Variants in GPHN observed in about 807,000 individuals in gnomAD.
GPHN encodes the protein gephyrin.
A neutral mutation model predicts 95.5 loss-of-function variants in GPHN; 17 were observed. The ratio of observed to expected loss-of-function variants is 0.18; its 90% CI spans 0.12 to 0.27. GPHN has a LOEUF of 0.27. Ranked by LOEUF, GPHN falls within the 10% of genes least tolerant of loss-of-function variation. The pLI is 1.00. For synonymous variants in GPHN, 320 were observed against 322.5 expected, an observed-to-expected ratio of 0.99 and a Z score of 0.08; for missense variants, 660 against 978.1, an observed-to-expected ratio of 0.67 and a Z score of 4.34.
At chr14:67,730,892 C>T in the GPHN span, among the ~76,000 whole-genome samples, 163 of 152,260 alleles carry the variant, frequency 1.1e-3, 2 homozygotes, top group African/African-American at 3.5e-3. Flanking sequence ...GCGTGAGCCA[C>T]CGCGCCCAGC....
At chr14:67,421,264 A>G in the GPHN span, among the ~76,000 whole-genome samples, 3 of 152,164 alleles carry the variant, frequency 2.0e-5, no homozygotes, top group Non-Finnish European at 4.4e-5. Context: ...AAAGTTAACC[A>G]TGTAAAGCAC....
chr14:67,132,890 A>G (rs901470672), intron 17 of GPHN, among the ~76,000 whole-genome samples: 16 of 151,038 alleles, frequency 1.1e-4, no homozygotes, highest in Non-Finnish European at 2.4e-4. Flanking sequence ...TTTCATTTTA[A>G]TTAATGTATT....
At chr14:67,282,826 G>A in the GPHN span, among the ~76,000 whole-genome samples, 2 of 152,086 alleles carry the variant, frequency 1.3e-5, no homozygotes. Context: ...CCTCGGAAAA[G>A]AAAATAATGC....
chr14:67,161,030 C>A (rs943782906), intron 19 of GPHN, among the ~76,000 whole-genome samples: 9 of 152,196 alleles, frequency 5.9e-5, no homozygotes, highest in African/African-American at 2.2e-4. Context: ...GTGGCTCACG[C>A]CTATAATCCC....
chr14:67,603,316 G>A, the GPHN span, among the ~76,000 whole-genome samples: 3 of 152,022 alleles, frequency 2.0e-5, no homozygotes, highest in African/African-American at 4.8e-5. Context: ...GTGATCCTTC[G>A]GCCTCAGCCT....
chr14:67,432,916 C>T, the GPHN span, among the ~76,000 whole-genome samples: 4 of 152,136 alleles, frequency 2.6e-5, no homozygotes, highest in Admixed American at 6.6e-5. Flanking sequence ...GATTTAGGGC[C>T]CACCCTCATC....
chr14:67,229,687 A>G, the GPHN span, among the ~76,000 whole-genome samples: 2 of 152,340 alleles, frequency 1.3e-5, no homozygotes, highest in Admixed American at 6.5e-5. Context: ...AATGTGTATT[A>G]TATTGATTAT....
At chr14:67,456,647 G>T in the GPHN span, among the ~76,000 whole-genome samples, 482 of 152,018 alleles carry the variant, frequency 3.2e-3, 1 homozygote, top group African/African-American at 0.011. Context: ...CTGCAAGGCT[G>T]CGGGAAGAGG....
At chr14:67,415,843 T>C in the GPHN span, among the ~76,000 whole-genome samples, 1 of 152,212 alleles carries the variant, frequency 6.6e-6, no homozygotes. Flanking sequence ...TGGATGAAGC[T>C]GGAAGCCATT....
the GPHN span, among the ~76,000 whole-genome samples, chr14:67,621,461 T>G: frequency 6.6e-6 from 1 of 152,062 alleles, no homozygotes; most frequent in Non-Finnish European, 1.5e-5. Flanking sequence ...GTTCTTTTTT[T>G]TTTTCTTTTT....
intron 3 of GPHN, among the ~76,000 whole-genome samples, chr14:66,799,967 GT>G (rs2060286440): frequency 6.6e-6 from 1 of 151,596 alleles, no homozygotes; most frequent in South Asian, 2.1e-4. Flanking sequence ...TCCATTGTAT[GT>G]TTTTTGGTTT....
intron 13 of GPHN, among the ~76,000 whole-genome samples, chr14:67,103,440 T>C (rs1182406078): frequency 6.6e-6 from 1 of 151,830 alleles, no homozygotes; most frequent in African/African-American, 2.4e-5. Context: ...GTAGATCGCT[T>C]TTTTCGTAGT....
chr14:67,690,868 A>G, the GPHN span: 1 of 451,324 alleles, frequency 2.2e-6, no homozygotes, highest in Non-Finnish European at 4.0e-6. Context: ...AAGGATCACT[A>G]CTAAGAAAGC....
intron 2 of GPHN, among the ~76,000 whole-genome samples, chr14:66,708,249 G>C (rs1424092950): frequency 1.3e-5 from 2 of 151,906 alleles, no homozygotes; most frequent in African/African-American, 4.8e-5. Flanking sequence ...AAACTGTTAA[G>C]TCCCTTTCGG....
chr14:67,421,166 A>G, the GPHN span, among the ~76,000 whole-genome samples: 3 of 152,208 alleles, frequency 2.0e-5, no homozygotes, highest in African/African-American at 4.8e-5. Context: ...AGACCTTGAC[A>G]GTAGAGAATG....
At chr14:67,672,396 G>C in the GPHN span, among the ~76,000 whole-genome samples, 25 of 151,664 alleles carry the variant, frequency 1.6e-4, no homozygotes, top group African/African-American at 6.0e-4. Flanking sequence ...TGGGATTACA[G>C]GTGTGAGCCA....
intron 1 of GPHN, among the ~76,000 whole-genome samples, chr14:66,599,392 A>ATTTTTTTTTT (rs765267813): frequency 0.028 from 2,140 of 75,558 alleles, 73 homozygotes; most frequent in Non-Finnish European, 0.031. Flanking sequence ...TTTTTTTTGC[A>ATTTTTTTTTT]TTTTTTTTTT....
At chr14:67,592,893 C>T in the GPHN span, 1 of 473,362 alleles carries the variant, frequency 2.1e-6, no homozygotes, top group Non-Finnish European at 3.8e-6. Context: ...TCAAGCGATT[C>T]TCCTGCCTCA....
chr14:67,154,606 G>T (rs1234977130), intron 18 of GPHN, among the ~76,000 whole-genome samples: 3 of 151,844 alleles, frequency 2.0e-5, no homozygotes, highest in Admixed American at 1.3e-4. Flanking sequence ...TCATTATATA[G>T]ATATAGATAT....
Sources: allele counts gnomAD v4.1 joint callset (sites outside exome capture counted in the v4.1 genomes callset), GRCh38; gene constraint gnomAD v4.1.1; transcripts MANE v1.5; gene names NCBI Gene and HGNC (gene_info 2026-07-23, HGNC 2026-07-21).